Variants in ACSBG1 observed in about 807,000 individuals in gnomAD.
ACSBG1 encodes the protein acyl-CoA synthetase bubblegum family member 1, also known as long-chain-fatty-acid--CoA ligase ACSBG1.
A neutral mutation model predicts 80.2 loss-of-function variants in ACSBG1; 39 were observed. That is an observed-to-expected ratio of 0.49 (90% confidence interval 0.38 to 0.64). The LOEUF (loss-of-function observed/expected upper bound fraction) is 0.64, where lower values mean the gene tolerates loss of function less well. Ranked by LOEUF, ACSBG1 falls within the 30% of genes least tolerant of loss-of-function variation. The pLI, the probability that ACSBG1 is intolerant of heterozygous loss-of-function variation, is 0.00. For missense variants in ACSBG1, 828 were observed against 966.4 expected, an observed-to-expected ratio of 0.86 and a Z score of 1.90; for synonymous variants, 392 against 379.5, an observed-to-expected ratio of 1.03 and a Z score of -0.38.
Position 78,182,732 on chromosome 15 carries a change from A to C in ACSBG1, c.717T>G (p.Pro239=). Residue 239 remains proline (P), a synonymous_variant, in exon 6 of 14, where the codon CCT becomes CCG. Coordinates refer to ENST00000258873, the MANE Select transcript of ACSBG1 (RefSeq NM_015162.5). The part of the protein sequence containing the change: ...LKAVVIYKEP[P]PNKMANVYTM... ...TGTACACATTGGCCATCTTGTTTGG[A>C]GGAGGTTCTTTATATATCACGACTG... is the stretch of plus-strand genomic sequence containing the variant. 6.2e-7 allele frequency: 1 copy of C among 1,614,210 alleles called. No individual in the cohort carries two copies. Among genetic ancestry groups the C allele is most frequent in the Non-Finnish European group, 8.5e-7 (1 of 1,180,038 alleles).
chr15:78,205,961 G>A (rs540714900), intron 2 of ACSBG1, among the ~76,000 whole-genome samples: 171 of 152,262 alleles, frequency 1.1e-3, no homozygotes, highest in South Asian at 3.5e-3. Context: ...CCTGGCACGC[G>A]GTGGACACGC....
At chr15:78,205,949 G>A (rs1256099235) in intron 2 of ACSBG1, among the ~76,000 whole-genome samples, 2 of 152,154 alleles carry the variant, frequency 1.3e-5, no homozygotes, top group Non-Finnish European at 2.9e-5. Flanking sequence ...CTCCGCTCCA[G>A]GCCTGGCACG....
At chr15:78,220,063 A>C (rs2141382391) in intron 1 of ACSBG1, among the ~76,000 whole-genome samples, 1 of 152,368 alleles carries the variant, frequency 6.6e-6, no homozygotes, top group Admixed American at 6.5e-5. Flanking sequence ...AAGTTGAAGG[A>C]TTTGCACTTC....
chr15:78,215,759 A>G (rs530677282), intron 1 of ACSBG1, among the ~76,000 whole-genome samples: 35 of 150,328 alleles, frequency 2.3e-4, no homozygotes, highest in Non-Finnish European at 3.9e-4. Flanking sequence ...AGAAAGAAAG[A>G]AAGAAAGAAA....
intron 1 of ACSBG1, among the ~76,000 whole-genome samples, chr15:78,216,021 T>C (rs2075309662): frequency 6.6e-6 from 1 of 152,250 alleles, no homozygotes; most frequent in African/African-American, 2.4e-5. Context: ...CTGCCCTGGC[T>C]GATCTCCTCC....
At chr15:78,180,455 G>C (rs2074930951) in intron 9 of ACSBG1, among the ~76,000 whole-genome samples, 1 of 152,194 alleles carries the variant, frequency 6.6e-6, no homozygotes, top group South Asian at 2.1e-4. Context: ...GCCACTTACT[G>C]AGGTCAGGAG....
Position 78,173,594 on chromosome 15 carries a change from C to G in ACSBG1, c.2088G>C (p.Leu696Phe), listed in dbSNP as rs777402564. ...ERDFSISGGE[L>F]GPTMKLKRLT... ...CAATGGTGAAAAGGAAAAACCTACC[C>G]AACTCTCCACCCGAAATGGAGAAGT... Residue 696 changes from leucine to phenylalanine, a missense_variant and splice_region_variant, in exon 13 of 14, where the codon TTG (leucine) becomes TTC (phenylalanine). Coordinates refer to ENST00000258873, the MANE Select transcript of ACSBG1 (RefSeq NM_015162.5). The G allele has an allele frequency of 6.2e-7, 1 of 1,614,030 alleles. No homozygotes were observed. The highest frequency in any genetic ancestry group is 8.5e-7 in the Non-Finnish European group (1 of 1,179,970).
rs755031115 is a variant in ACSBG1 at position 78,173,618 on chromosome 15, G to GTC, written c.2062_2063dup (p.Asp688GlufsTer14). On this transcript the variant is annotated frameshift_variant, in exon 13 of 14. Transcript: ENST00000258873. LOFTEE classifies it high-confidence loss of function. The stretch of plus-strand genomic sequence containing the variant: ...CCAACTCTCCACCCGAAATGGAGAA[G>GTC]TCTCTCTCGAGAATGGCCCACTTCT... The GTC allele has an allele frequency of 1.2e-6, 2 of 1,614,084 alleles. No individual in the cohort carries two copies.
At chr15:78,201,052 A>G (rs2075163008) in intron 2 of ACSBG1, among the ~76,000 whole-genome samples, 1 of 151,916 alleles carries the variant, frequency 6.6e-6, no homozygotes, top group Non-Finnish European at 1.5e-5. Flanking sequence ...TCACATGCCC[A>G]CACTTTACCG....
Position 78,169,123 on chromosome 15 carries a change from A to G in ACSBG1, c.*2321T>C, listed in dbSNP as rs191256136. 123 of 572,926 alleles carry G rather than the reference A, an allele frequency of 2.1e-4. No individual in the cohort carries two copies. In the East Asian group the frequency reaches 3.1e-3, roughly 14 times the overall value. The allele number at this position is 572,926 out of a possible 1,614,324, so 35.5% of individuals were successfully genotyped here. A position where few individuals can be genotyped will look rare whatever the true frequency, so the allele number is the denominator to read the frequency against. ...TTGTTTCTTGACAGTACATTTTTAG[A>G]TCTGGCCTTTTCTTAACAAAATCTG... On this transcript the variant is annotated 3_prime_UTR_variant, in exon 14 of 14. Coordinates refer to ENST00000258873, the MANE Select transcript of ACSBG1 (RefSeq NM_015162.5).
At chr15:78,182,332 C>G in intron 7 of ACSBG1, 134 bp downstream of exon 7, 1 of 1,362,476 alleles carries the variant, frequency 7.3e-7, no homozygotes, top group South Asian at 1.3e-5. Context: ...GATTGATGGG[C>G]TGTTCTACCT....
intron 1 of ACSBG1, among the ~76,000 whole-genome samples, chr15:78,215,394 T>A (rs907416380): frequency 8.5e-5 from 13 of 152,302 alleles, no homozygotes; most frequent in African/African-American, 3.1e-4. Flanking sequence ...TGGTGGCTCA[T>A]GCCTGTAATC....
intron 12 of ACSBG1, among the ~76,000 whole-genome samples, chr15:78,174,170 T>C (rs1455306302): frequency 6.6e-6 from 1 of 152,158 alleles, no homozygotes; most frequent in Non-Finnish European, 1.5e-5. Context: ...AAAGTGCCAG[T>C]AACATGTAAA....
At chr15:78,173,140 G>A (rs537671096) in intron 13 of ACSBG1, among the ~76,000 whole-genome samples, 2 of 152,226 alleles carry the variant, frequency 1.3e-5, no homozygotes, top group South Asian at 2.1e-4. Context: ...GAGGTCGGGA[G>A]TTCGAGACCA....
Position 78,178,976 on chromosome 15 carries a change from T to TA in ACSBG1, c.1485-146dup. 3 of 811,056 alleles carry TA rather than the reference T, an allele frequency of 3.7e-6. No individual in the cohort carries two copies. The highest frequency in any genetic ancestry group is 2.9e-5 in the Admixed American group (1 of 34,228). 50.2% of individuals were successfully genotyped at this position (811,056 alleles called of 1,614,324 possible). On this transcript the variant is annotated intron_variant, in intron 10 of 13. Coordinates refer to ENST00000258873, the MANE Select transcript of ACSBG1 (RefSeq NM_015162.5). This position sits in a 1 kb window ranked among gnomAD's most constrained non-coding sequence, Gnocchi z 4.3. ...GGCTTTTGTATTTTTACAGGGGACT[T>TA]ACAGCTGAAAGGTAGAGCCAAGTAA...
chr15:78,174,559 G>T (rs750514163), intron 11 of ACSBG1, 35 bp from the exon 12 acceptor site: 61 of 1,598,100 alleles, frequency 3.8e-5, no homozygotes, highest in Non-Finnish European at 5.0e-5. Flanking sequence ...GGCACAGAAT[G>T]TAGTCCAGGT....
chr15:78,169,146 C>G lies in ACSBG1; in HGVS notation c.*2298G>C. On this transcript the variant is annotated 3_prime_UTR_variant, in exon 14 of 14. Coordinates refer to ENST00000258873, the MANE Select transcript of ACSBG1 (RefSeq NM_015162.5). ...AGATCTGGCCTTTTCTTAACAAAAT[C>G]TGTGCAAAAGATGCAGGTGGATGTC... 2.0e-6 allele frequency: 1 copy of G among 505,742 alleles called. No homozygotes were observed. The highest frequency in any genetic ancestry group is 3.5e-6 in the Non-Finnish European group (1 of 288,010). The allele number at this position is 505,742 out of a possible 1,614,324, so 31.3% of individuals were successfully genotyped here.
intron 4 of ACSBG1, 46 bp from the exon 5 acceptor site, chr15:78,193,672 G>A: frequency 6.3e-7 from 1 of 1,581,946 alleles, no homozygotes; most frequent in Non-Finnish European, 8.6e-7. Flanking sequence ...GTGCAGAGGG[G>A]CCACCCCCTT....
At chr15:78,186,765 T>C (rs1366356812) in intron 5 of ACSBG1, among the ~76,000 whole-genome samples, 2 of 151,912 alleles carry the variant, frequency 1.3e-5, no homozygotes, top group African/African-American at 2.4e-5. Context: ...TTAAAAGAAC[T>C]AGAAAAGCAA....
Sources: gnomAD v4.1 joint callset for allele counts (sites outside exome capture counted in the v4.1 genomes callset) on GRCh38, gnomAD v4.1.1 for gene constraint, Gnocchi (gnomAD v3.1) non-coding constraint, MANE v1.5 for transcripts, NCBI Gene and HGNC (gene_info 2026-07-23, HGNC 2026-07-21) for gene names.